SHISA9: variants seen among roughly 807,000 people sequenced by gnomAD.
The protein encoded by SHISA9 is shisa family member 9, also known as protein shisa-9.
A neutral mutation model predicts 38.0 loss-of-function variants in SHISA9; 13 were observed. That is an observed-to-expected ratio of 0.34 (90% CI 0.22 to 0.54). The LOEUF (loss-of-function observed/expected upper bound fraction) is 0.54, where lower values mean the gene tolerates loss of function less well. Among genes scored for constraint, SHISA9 ranks in the 20% least tolerant of loss-of-function variants. SHISA9 has a pLI of 0.91. For synonymous variants in SHISA9, 275 were observed against 242.0 expected, an observed-to-expected ratio of 1.14 and a Z score of -1.27; for missense variants, 538 against 575.8, an observed-to-expected ratio of 0.93 and a Z score of 0.67.
chr16:13,374,712 C>G, the SHISA9 span, among the ~76,000 whole-genome samples: 1 of 152,154 alleles, frequency 6.6e-6, no homozygotes, highest in African/African-American at 2.4e-5. Context: ...AATGGTATTT[C>G]TAGTACTAGA....
chr16:13,489,262 C>G, the SHISA9 span, among the ~76,000 whole-genome samples: 1 of 152,114 alleles, frequency 6.6e-6, no homozygotes, highest in Non-Finnish European at 1.5e-5. Context: ...GTTGGCCAGC[C>G]TGGTCTTGAA....
intron 2 of SHISA9, among the ~76,000 whole-genome samples, chr16:13,048,697 C>T (rs1405046407): frequency 2.0e-5 from 3 of 152,222 alleles, no homozygotes; most frequent in Non-Finnish European, 4.4e-5. Flanking sequence ...GCTGGGATTA[C>T]AGGCATGAGC....
chr16:13,387,492 T>C, the SHISA9 span, among the ~76,000 whole-genome samples: 1 of 151,846 alleles, frequency 6.6e-6, no homozygotes, highest in Non-Finnish European at 1.5e-5. Flanking sequence ...TAGAGGATTT[T>C]TTTTTTTTTT....
the SHISA9 span, among the ~76,000 whole-genome samples, chr16:13,300,659 T>G: frequency 3.0e-4 from 46 of 152,308 alleles, no homozygotes; most frequent in African/African-American, 1.1e-3. Context: ...GGAATTCTAT[T>G]TGGAATCAAT....
chr16:13,149,924 C>CA (rs577323308), intron 2 of SHISA9, among the ~76,000 whole-genome samples: 47 of 89,374 alleles, frequency 5.3e-4, no homozygotes, highest in South Asian at 3.7e-3. Flanking sequence ...TACTCCATCT[C>CA]AAAAAAAAGA....
At chr16:12,984,269 A>T (rs1374352063) in intron 2 of SHISA9, among the ~76,000 whole-genome samples, 1 of 152,224 alleles carries the variant, frequency 6.6e-6, no homozygotes, top group South Asian at 2.1e-4. Flanking sequence ...TGAAAGGTAC[A>T]TTCAGTATCT....
the SHISA9 span, among the ~76,000 whole-genome samples, chr16:13,529,862 C>T: frequency 2.6e-5 from 4 of 152,214 alleles, no homozygotes; most frequent in East Asian, 3.8e-4. Context: ...CCCACAGCTC[C>T]AGGTAACCTG....
chr16:13,437,653 CT>C, the SHISA9 span, among the ~76,000 whole-genome samples: 2 of 152,110 alleles, frequency 1.3e-5, no homozygotes, highest in Admixed American at 1.3e-4. Flanking sequence ...GCAATTCCCT[CT>C]GCTGTGAACT....
At chr16:13,106,038 C>G (rs1169552718) in intron 2 of SHISA9, among the ~76,000 whole-genome samples, 1 of 152,016 alleles carries the variant, frequency 6.6e-6, no homozygotes. Context: ...TCCCTGCAGC[C>G]CTATGCCATT....
At chr16:12,910,532 A>C (rs2071168535) in intron 1 of SHISA9, 1 of 985,276 alleles carries the variant, frequency 1.0e-6, no homozygotes, top group Non-Finnish European at 1.2e-6. Flanking sequence ...TTTCATAAGA[A>C]AGTACTGGTT....
chr16:13,380,819 C>A, the SHISA9 span, among the ~76,000 whole-genome samples: 2 of 151,062 alleles, frequency 1.3e-5, no homozygotes, highest in Non-Finnish European at 2.9e-5. Flanking sequence ...TATCCCTCCC[C>A]TAGCCCCCCA....
At chr16:13,469,361 A>AG in the SHISA9 span, among the ~76,000 whole-genome samples, 2 of 43,558 alleles carry the variant, frequency 4.6e-5, no homozygotes, top group East Asian at 7.0e-4. Flanking sequence ...AAAGAAAGAA[A>AG]AGAAAAAGAA....
intron 2 of SHISA9, among the ~76,000 whole-genome samples, chr16:13,090,781 T>C (rs1184141070): frequency 6.6e-6 from 1 of 152,232 alleles, no homozygotes. Flanking sequence ...AATTGGGGCA[T>C]TTAGCCCATT....
At chr16:13,019,648 G>A (rs2072799258) in intron 2 of SHISA9, among the ~76,000 whole-genome samples, 1 of 151,816 alleles carries the variant, frequency 6.6e-6, no homozygotes, top group Admixed American at 6.6e-5. Context: ...TACAAGTGCA[G>A]GTTTGGTACA....
the SHISA9 span, among the ~76,000 whole-genome samples, chr16:13,530,755 C>T: frequency 2.6e-5 from 4 of 152,066 alleles, no homozygotes; most frequent in Non-Finnish European, 5.9e-5. Flanking sequence ...CCCAGGTCGG[C>T]AGATGCTTGC....
chr16:13,260,642 C>A, the SHISA9 span, among the ~76,000 whole-genome samples: 1 of 152,158 alleles, frequency 6.6e-6, no homozygotes, highest in Non-Finnish European at 1.5e-5. Flanking sequence ...GTATTCTGGG[C>A]AAAGCCATTC....
At chr16:13,234,769 G>A (rs2051364800) in intron 4 of SHISA9, among the ~76,000 whole-genome samples, 1 of 152,166 alleles carries the variant, frequency 6.6e-6, no homozygotes, top group Non-Finnish European at 1.5e-5. Context: ...GGGGGGAGAA[G>A]TGTTTATTTC....
In SHISA9 at chr16:13,093,719, G is replaced by A. The variant is rs182777298; in HGVS notation, c.692-109675G>A. On this transcript the variant is annotated intron_variant, in intron 2 of 4. Coordinates refer to ENST00000558583, the MANE Select transcript of SHISA9 (RefSeq NM_001145204.3). Reference sequence around the variant, plus strand: ...GATTTCCTCAGGAGTCTGGTATTTCGCTTCGTTGACCTCCCCAATCTCTGC... The same window carrying A: ...GATTTCCTCAGGAGTCTGGTATTTCACTTCGTTGACCTCCCCAATCTCTGC... Among the ~76,000 whole-genome samples the A allele has an allele frequency of 2.0e-4, 30 of 152,168 alleles. No homozygotes were observed. In the East Asian group the frequency reaches 3.3e-3, roughly 17 times the overall value.
At chr16:13,035,245 C>T (rs1875387) in intron 2 of SHISA9, among the ~76,000 whole-genome samples, 91,470 of 152,024 alleles carry the variant, frequency 0.6, 28,504 homozygotes, top group Middle Eastern at 0.74. Context: ...CCTGATGACA[C>T]ATTTAGGTAG....
Sources: allele counts gnomAD v4.1 joint callset (sites outside exome capture counted in the v4.1 genomes callset), GRCh38; gene constraint gnomAD v4.1.1; transcripts MANE v1.5; gene names NCBI Gene and HGNC (gene_info 2026-07-23, HGNC 2026-07-21).